NAALADL2: variants seen among roughly 807,000 people sequenced by gnomAD.
NAALADL2 encodes the protein inactive N-acetylated-alpha-linked acidic dipeptidase-like protein 2.
Under a neutral mutation model 87.2 loss-of-function variants are expected in NAALADL2, and 76 were observed. The observed-to-expected ratio is 0.87, with a 90% CI of 0.72 to 1.05. The LOEUF is 1.05. NAALADL2 is among the 50% of genes least tolerant of loss of function. NAALADL2 has a pLI of 0.00. For missense variants in NAALADL2, 1,089 were observed against 945.8 expected (o/e 1.15, Z -1.99); for synonymous variants, 354 against 331.0 (o/e 1.07, Z -0.75).
At chr3:174,548,757 A>C (rs1234968910) in intron 1 of NAALADL2, among the ~76,000 whole-genome samples, 1 of 152,188 alleles carries the variant, frequency 6.6e-6, no homozygotes, top group East Asian at 1.9e-4. Flanking sequence ...TCCTTTCTTC[A>C]GTTACCTGAG....
At chr3:174,584,258 G>A (rs1278188008) in intron 2 of NAALADL2, among the ~76,000 whole-genome samples, 2 of 150,114 alleles carry the variant, frequency 1.3e-5, no homozygotes, top group Non-Finnish European at 2.9e-5. Flanking sequence ...TCCAGAAAAC[G>A]TATGTCGAAG....
intron 2 of NAALADL2, among the ~76,000 whole-genome samples, chr3:174,712,683 G>T (rs1399035228): frequency 6.6e-6 from 1 of 151,988 alleles, no homozygotes; most frequent in African/African-American, 2.4e-5. Flanking sequence ...ACCGCGCTCG[G>T]CCTCACTTCT....
At chr3:174,891,139 T>A (rs1263906402) in intron 1 of NAALADL2, among the ~76,000 whole-genome samples, 1 of 152,130 alleles carries the variant, frequency 6.6e-6, no homozygotes, top group East Asian at 1.9e-4. Context: ...AAGTAATAGA[T>A]AAGTAACGCA....
intron 3 of NAALADL2, among the ~76,000 whole-genome samples, chr3:174,818,642 C>G (rs752096034): frequency 3.3e-5 from 5 of 152,106 alleles, no homozygotes; most frequent in Non-Finnish European, 7.4e-5. Flanking sequence ...TTTGCACGCC[C>G]TAAGAAGCCC....
intron 1 of NAALADL2, among the ~76,000 whole-genome samples, chr3:174,931,054 T>C (rs1202004250): frequency 6.6e-6 from 1 of 152,158 alleles, no homozygotes; most frequent in Non-Finnish European, 1.5e-5. Context: ...CCTCACACTT[T>C]GAAGAGGACA....
At chr3:175,386,506 T>C (rs2149003030) in intron 5 of NAALADL2, among the ~76,000 whole-genome samples, 1 of 152,144 alleles carries the variant, frequency 6.6e-6, no homozygotes, top group South Asian at 2.1e-4. Flanking sequence ...TTTTTTTTTT[T>C]TCCCCTCTCC....
chr3:175,035,122 G>GC (rs1753255241), intron 1 of NAALADL2, among the ~76,000 whole-genome samples: 1 of 152,128 alleles, frequency 6.6e-6, no homozygotes, highest in African/African-American at 2.4e-5. Context: ...TTTATAACTT[G>GC]CCATACTCAA....
intron 11 of NAALADL2, among the ~76,000 whole-genome samples, chr3:175,642,177 C>T (rs1240440232): frequency 6.6e-6 from 1 of 152,172 alleles, no homozygotes; most frequent in African/African-American, 2.4e-5. Flanking sequence ...TGAATGTTTT[C>T]ATCTCCTCTA....
At chr3:174,948,468 C>T (rs976667427) in intron 1 of NAALADL2, among the ~76,000 whole-genome samples, 7 of 152,128 alleles carry the variant, frequency 4.6e-5, no homozygotes, top group East Asian at 3.9e-4. Flanking sequence ...TGAGCCACCA[C>T]GCCTGGCAAG....
At chr3:174,785,693 T>C (rs1320062097) in intron 3 of NAALADL2, among the ~76,000 whole-genome samples, 1 of 152,216 alleles carries the variant, frequency 6.6e-6, no homozygotes, top group African/African-American at 2.4e-5. Context: ...GACATTAAGA[T>C]GTAGGCTTTA....
At chr3:175,772,639 A>G (rs1583180353) in intron 13 of NAALADL2, among the ~76,000 whole-genome samples, 1 of 152,184 alleles carries the variant, frequency 6.6e-6, no homozygotes, top group South Asian at 2.1e-4. Flanking sequence ...TCTGGGGTCC[A>G]GTTACACAGG....
At chr3:174,588,428 G>A (rs182559196) in intron 2 of NAALADL2, among the ~76,000 whole-genome samples, 12 of 152,260 alleles carry the variant, frequency 7.9e-5, no homozygotes, top group East Asian at 5.8e-4. Context: ...GAGGAGCTGC[G>A]TTCCTTTGGA....
intron 9 of NAALADL2, among the ~76,000 whole-genome samples, chr3:175,524,625 T>C (rs1733133107): frequency 6.6e-6 from 1 of 152,160 alleles, no homozygotes; most frequent in Non-Finnish European, 1.5e-5. Context: ...AATTATAGGC[T>C]ATAAATCTTC....
At chr3:174,901,657 C>T (rs921611443) in intron 1 of NAALADL2, among the ~76,000 whole-genome samples, 1 of 152,024 alleles carries the variant, frequency 6.6e-6, no homozygotes, top group East Asian at 1.9e-4. Context: ...TAGCCAGCTG[C>T]AAAATCCAAG....
intron 9 of NAALADL2, among the ~76,000 whole-genome samples, chr3:175,552,686 A>G (rs1194786415): frequency 6.6e-6 from 1 of 152,146 alleles, no homozygotes; most frequent in Non-Finnish European, 1.5e-5. Flanking sequence ...TGTATTAAAC[A>G]ATATAATAAA....
intron 3 of NAALADL2, among the ~76,000 whole-genome samples, chr3:174,827,421 A>G (rs1722123592): frequency 6.6e-6 from 1 of 152,232 alleles, no homozygotes; most frequent in African/African-American, 2.4e-5. Context: ...CCCCACATTT[A>G]CTGGCTTGTG....
chr3:174,519,588 C>A, intron 1 of NAALADL2, among the ~76,000 whole-genome samples: 1 of 151,988 alleles, frequency 6.6e-6, no homozygotes, highest in East Asian at 1.9e-4. Context: ...ATTTCGGCCT[C>A]TCAAAGTGCT....
intron 3 of NAALADL2, among the ~76,000 whole-genome samples, chr3:174,845,934 G>A (rs1724571419): frequency 6.6e-6 from 1 of 152,126 alleles, no homozygotes; most frequent in Admixed American, 6.5e-5. Context: ...TGCACCTGTG[G>A]GTCTAGTTTC....
chr3:174,604,758 TTTTC>T (rs1347291697), intron 2 of NAALADL2, among the ~76,000 whole-genome samples: 5 of 151,874 alleles, frequency 3.3e-5, no homozygotes, highest in African/African-American at 9.7e-5. Flanking sequence ...TGTTCTTTTC[TTTTC>T]TTTCTTTCTT....
Sources: allele counts gnomAD v4.1 joint callset (sites outside exome capture counted in the v4.1 genomes callset), GRCh38; gene constraint gnomAD v4.1.1; transcripts MANE v1.5; gene names NCBI Gene and HGNC (gene_info 2026-07-23, HGNC 2026-07-21).